The following ADAMTS16 variants were observed in gnomAD, a reference collection of about 807,000 sequenced individuals.
The protein encoded by ADAMTS16 is A disintegrin and metalloproteinase with thrombospondin motifs 16.
A neutral mutation model predicts 145.8 loss-of-function variants in ADAMTS16; 94 were observed. That is an observed-to-expected ratio of 0.64 (90% CI 0.55 to 0.77). The LOEUF (loss-of-function observed/expected upper bound fraction) is 0.77. ADAMTS16 is among the 30% of genes least tolerant of loss of function. The pLI, the probability that ADAMTS16 is intolerant of heterozygous loss-of-function variation, is 0.00. For missense variants in ADAMTS16, 1,585 were observed against 1,591.5 expected, an observed-to-expected ratio of 1.00 and a Z score of 0.07; for synonymous variants, 659 against 604.3, an observed-to-expected ratio of 1.09 and a Z score of -1.33.
chr5:5,195,837 G>A (rs1284358396), intron 8 of ADAMTS16, among the ~76,000 whole-genome samples: 1 of 152,166 alleles, frequency 6.6e-6, no homozygotes, highest in Admixed American at 6.5e-5. Flanking sequence ...AAGTTTAAGA[G>A]AAAAGAATAA....
In ADAMTS16 at chr5:5,303,580, C is replaced by T. The variant is rs747434652; in HGVS notation, c.3000C>T (p.His1000=). 4.3e-6 allele frequency: 7 copies of T among 1,614,008 alleles called. No homozygotes were observed. The highest frequency in any genetic ancestry group is 4.2e-6 in the Non-Finnish European group (5 of 1,180,012). The part of the protein sequence containing the change: ...WSAGPWAECS[H]TCGKGWRKRA... ...CTGACTGTTCTGTGCAGTGCTCACA[C>T]ACCTGTGGGAAGGGGTGGAGGAAGC... The change falls in exon 20 of 23, where the codon CAC becomes CAT. Residue 1000 remains histidine (H), a synonymous_variant. Transcript: ENST00000274181.
Position 5,269,085 on chromosome 5 carries a change from G to A in ADAMTS16, c.2789+6302G>A, listed in dbSNP as rs1252485330. 1.3e-5 allele frequency among the ~76,000 whole-genome samples: 2 copies of A among 152,044 alleles called. No homozygotes were observed. Among genetic ancestry groups the A allele is most frequent in the Non-Finnish European group, 2.9e-5 (2 of 68,022 alleles). ...GTCCTTAACACCCCTCTCCAGACAG[G>A]CCATGCCTCTTGTCATGCAGCTCCT... On this transcript the variant is annotated intron_variant, in intron 18 of 22. Transcript: ENST00000274181. This position sits in a 1 kb window ranked among gnomAD's most constrained non-coding sequence, Gnocchi z 4.3.
intron 10 of ADAMTS16, among the ~76,000 whole-genome samples, chr5:5,212,482 G>A (rs1050096874): frequency 5.9e-5 from 9 of 151,842 alleles, no homozygotes; most frequent in African/African-American, 2.2e-4. Flanking sequence ...TTCATAATTC[G>A]GTGCACATAC....
At chr5:5,233,018 T>C (rs1736982819) in intron 12 of ADAMTS16, among the ~76,000 whole-genome samples, 1 of 125,274 alleles carries the variant, frequency 8.0e-6, no homozygotes, top group Admixed American at 9.9e-5. Context: ...TTAAGATGCT[T>C]ATAACTACCT....
At chr5:5,266,480 C>T (rs1348889402) in intron 18 of ADAMTS16, among the ~76,000 whole-genome samples, 3 of 152,216 alleles carry the variant, frequency 2.0e-5, no homozygotes, top group African/African-American at 4.8e-5. Flanking sequence ...TCCGCCCTAC[C>T]GCATGGGGAG....
intron 10 of ADAMTS16, among the ~76,000 whole-genome samples, chr5:5,212,866 C>CCTTTCTTCTGCCTT (rs1736316432): frequency 1.3e-5 from 2 of 151,960 alleles, no homozygotes; most frequent in African/African-American, 4.8e-5. Flanking sequence ...TTCTCTGTTC[C>CCTTTCTTCTGCCTT]CTTTCTTCTG....
intron 12 of ADAMTS16, among the ~76,000 whole-genome samples, chr5:5,233,377 G>A (rs559906487): frequency 2.5e-4 from 38 of 152,228 alleles, no homozygotes; most frequent in Non-Finnish European, 4.1e-4. Context: ...GTAGAGTATA[G>A]GTTTGTTACA....
At chr5:5,161,431 AG>A (rs1734741957) in intron 3 of ADAMTS16, among the ~76,000 whole-genome samples, 2 of 152,192 alleles carry the variant, frequency 1.3e-5, no homozygotes, top group Non-Finnish European at 1.5e-5. Flanking sequence ...TCATGGGATA[AG>A]GGGACATAAC....
intron 2 of ADAMTS16, among the ~76,000 whole-genome samples, chr5:5,145,790 C>T (rs1315149705): frequency 6.6e-6 from 1 of 152,224 alleles, no homozygotes; most frequent in Non-Finnish European, 1.5e-5. Context: ...CATCCTTCCC[C>T]TGACTCAGCT....
chr5:5,316,362 A>G lies in ADAMTS16; in HGVS notation c.3412-1772A>G, dbSNP rs1734059294. Among the ~76,000 whole-genome samples the G allele has an allele frequency of 2.0e-5, 3 of 152,150 alleles. No homozygotes were observed. In the South Asian group the frequency reaches 6.2e-4, roughly 32 times the overall value. ...GACTTCCAAAATGTTATCTGACCCA[A>G]TCTTCTTGCAGGTGCTCCTTTAATT... On this transcript the variant is annotated intron_variant, in intron 21 of 22. Transcript: ENST00000274181.
chr5:5,230,900 A>G (rs1736901314), intron 11 of ADAMTS16, among the ~76,000 whole-genome samples: 1 of 152,328 alleles, frequency 6.6e-6, no homozygotes, highest in Non-Finnish European at 1.5e-5. Context: ...TCTTCAAACC[A>G]AGAGAGATTT....
Position 5,212,189 on chromosome 5 carries a change from G to GTTTTTTT in ADAMTS16, c.1605+2943_1605+2944insTTTTTTT, listed in dbSNP as rs200419820. 3.0e-5 allele frequency among the ~76,000 whole-genome samples: 3 copies of GTTTTTTT among 98,718 alleles called. 1 individual carries two copies. The highest frequency in any genetic ancestry group is 6.9e-5 in the Non-Finnish European group (3 of 43,202). 64.8% of individuals were successfully genotyped at this position (98,718 alleles called of 152,430 possible). On this transcript the variant is annotated intron_variant, in intron 10 of 22. Coordinates refer to ENST00000274181, the MANE Select transcript of ADAMTS16 (RefSeq NM_139056.4). ...TCATGTTAGTACTATTAGTTTCTGG[G>GTTTTTTT]GTTTTTTTTGTTTTGTTTTGTTTTG...
At chr5:5,231,816 C>T (rs1474268667) in intron 11 of ADAMTS16, among the ~76,000 whole-genome samples, 1 of 152,184 alleles carries the variant, frequency 6.6e-6, no homozygotes, top group Admixed American at 6.5e-5. Context: ...ACATGGATTG[C>T]TTCATCACCC....
intron 3 of ADAMTS16, among the ~76,000 whole-genome samples, chr5:5,164,469 T>C (rs1053169121): frequency 6.6e-5 from 10 of 152,210 alleles, no homozygotes; most frequent in Non-Finnish European, 1.0e-4. Context: ...AATCTAGCCC[T>C]TCAGTCAGCC....
intron 18 of ADAMTS16, among the ~76,000 whole-genome samples, chr5:5,267,144 C>T (rs1447011573): frequency 6.6e-6 from 1 of 152,148 alleles, no homozygotes; most frequent in Admixed American, 6.5e-5. Context: ...GCTCAAACCT[C>T]TAGGGGGAGC....
At chr5:5,294,933 T>C (rs1739472071) in intron 18 of ADAMTS16, among the ~76,000 whole-genome samples, 2 of 152,100 alleles carry the variant, frequency 1.3e-5, no homozygotes, top group Non-Finnish European at 2.9e-5. Flanking sequence ...GCAGAGAGGA[T>C]GCAGGTGTCA....
At chr5:5,265,255 C>G (rs1418622642) in intron 18 of ADAMTS16, among the ~76,000 whole-genome samples, 1 of 152,152 alleles carries the variant, frequency 6.6e-6, no homozygotes, top group South Asian at 2.1e-4. Flanking sequence ...GTCAGTGATC[C>G]CTGCTGCAAT....
chr5:5,291,880 A>G (rs1739335646), intron 18 of ADAMTS16, among the ~76,000 whole-genome samples: 1 of 152,244 alleles, frequency 6.6e-6, no homozygotes, highest in African/African-American at 2.4e-5. Flanking sequence ...TAGTGATGTT[A>G]CTATATTTAG....
chr5:5,230,828 A>G (rs1474698846), intron 11 of ADAMTS16, among the ~76,000 whole-genome samples: 7 of 152,170 alleles, frequency 4.6e-5, no homozygotes, highest in African/African-American at 1.7e-4. Flanking sequence ...CTTGCTTTTG[A>G]GACAGCGCTC....
Sources: gnomAD v4.1 joint callset for allele counts (sites outside exome capture counted in the v4.1 genomes callset) on GRCh38, gnomAD v4.1.1 for gene constraint, Gnocchi (gnomAD v3.1) non-coding constraint, MANE v1.5 for transcripts, NCBI Gene and HGNC (gene_info 2026-07-23, HGNC 2026-07-21) for gene names.